The following EIF4ENIF1 variants were observed in gnomAD, a reference collection of about 807,000 sequenced individuals.
EIF4ENIF1 encodes the protein eukaryotic translation initiation factor 4E transporter.
Under a neutral mutation model 110.5 loss-of-function variants are expected in EIF4ENIF1, and 23 were observed. The observed-to-expected ratio is 0.21, with a 90% CI of 0.15 to 0.29. The LOEUF (loss-of-function observed/expected upper bound fraction) is 0.29, where lower values mean the gene tolerates loss of function less well. Ranked by LOEUF, EIF4ENIF1 falls within the 10% of genes least tolerant of loss-of-function variation. The probability of loss-of-function intolerance (pLI) is 1.00; values close to 1 mark genes in which losing one functional copy is unlikely to be tolerated. For missense variants in EIF4ENIF1, 1,031 were observed against 1,221.1 expected (o/e 0.84, Z 2.32); for synonymous variants, 440 against 437.0 (o/e 1.01, Z -0.09).
At chr22:31,466,114 A>G (rs191939647) in intron 4 of EIF4ENIF1, among the ~76,000 whole-genome samples, 1 of 152,232 alleles carries the variant, frequency 6.6e-6, no homozygotes, top group Non-Finnish European at 1.5e-5. Flanking sequence ...TGTCTCTACT[A>G]AAAATACAAA....
At chr22:31,446,377 TGA>T (rs1398340627) in intron 14 of EIF4ENIF1, among the ~76,000 whole-genome samples, 1 of 150,948 alleles carries the variant, frequency 6.6e-6, no homozygotes, top group Non-Finnish European at 1.5e-5. Flanking sequence ...AGAAAGCACG[TGA>T]GAGGGGTTCA....
intron 2 of EIF4ENIF1, among the ~76,000 whole-genome samples, chr22:31,477,357 CA>C (rs749894840): frequency 0.16 from 7,345 of 46,990 alleles, 304 homozygotes; most frequent in African/African-American, 0.28. Context: ...CCTCTGTCTC[CA>C]AAAAAAAAAA....
At chr22:31,475,644 T>C (rs1390222200) in intron 2 of EIF4ENIF1, among the ~76,000 whole-genome samples, 1 of 150,364 alleles carries the variant, frequency 6.7e-6, no homozygotes, top group Non-Finnish European at 1.5e-5. Flanking sequence ...CCCAGCTACC[T>C]GTAGGGAGGC....
At chr22:31,439,293 C>A (rs143881898), downstream of EIF4ENIF1, 728 of 153,100 alleles carry the variant, frequency 4.8e-3, 5 homozygotes, top group Non-Finnish European at 6.7e-3. Flanking sequence ...CTGGGTGACA[C>A]AGAGTGAGAC....
intron 2 of EIF4ENIF1, among the ~76,000 whole-genome samples, chr22:31,474,468 G>A (rs1477567443): frequency 6.7e-6 from 1 of 149,658 alleles, no homozygotes; most frequent in East Asian, 2.0e-4. Flanking sequence ...TGGCCCATGT[G>A]TCTTTTTCAA....
intron 4 of EIF4ENIF1, among the ~76,000 whole-genome samples, chr22:31,464,440 G>A (rs1387743899): frequency 6.6e-6 from 1 of 151,672 alleles, no homozygotes; most frequent in Non-Finnish European, 1.5e-5. Flanking sequence ...AGTACTTTGG[G>A]ACGTCAAGGC....
intron 7 of EIF4ENIF1, among the ~76,000 whole-genome samples, chr22:31,458,104 T>G (rs2050883278): frequency 6.6e-6 from 1 of 151,980 alleles, no homozygotes; most frequent in African/African-American, 2.4e-5. Context: ...GGCACACACC[T>G]GTGATCCCAA....
At chr22:31,450,899 GAGAC>G (rs2050652876) in intron 10 of EIF4ENIF1, 1 of 124,900 alleles carries the variant, frequency 8.0e-6, no homozygotes, top group Admixed American at 8.8e-5. Flanking sequence ...ACACACAAAA[GAGAC>G]AGGGTCTTGT....
intron 2 of EIF4ENIF1, among the ~76,000 whole-genome samples, chr22:31,480,403 G>A (rs560001847): frequency 2.0e-5 from 3 of 152,194 alleles, no homozygotes; most frequent in Non-Finnish European, 4.4e-5. Flanking sequence ...GCATTCTGAT[G>A]GACCTTCTGA....
intron 7 of EIF4ENIF1, among the ~76,000 whole-genome samples, chr22:31,457,497 C>A (rs1383909290): frequency 6.6e-6 from 1 of 152,188 alleles, no homozygotes; most frequent in Non-Finnish European, 1.5e-5. Flanking sequence ...TATACTTTCA[C>A]GTCAATCCCA....
chr22:31,456,330 T>A (rs1382270313), intron 7 of EIF4ENIF1, among the ~76,000 whole-genome samples: 2 of 151,512 alleles, frequency 1.3e-5, no homozygotes. Flanking sequence ...TTCACACCAT[T>A]CTCCTGCCTC....
chr22:31,458,734 T>C, intron 6 of EIF4ENIF1, 84 bp from the exon 7 acceptor site: 2 of 1,275,440 alleles, frequency 1.6e-6, no homozygotes, highest in Non-Finnish European at 2.1e-6. Context: ...AGTATACATG[T>C]AGAAGAGCCA....
At chr22:31,465,055 G>A (rs538428807) in intron 4 of EIF4ENIF1, among the ~76,000 whole-genome samples, 4 of 152,138 alleles carry the variant, frequency 2.6e-5, no homozygotes, top group Admixed American at 2.6e-4. Flanking sequence ...CCAACCCAGT[G>A]GCTCACGCCT....
chr22:31,453,157 T>C (rs867451756), intron 10 of EIF4ENIF1, among the ~76,000 whole-genome samples: 3 of 152,162 alleles, frequency 2.0e-5, no homozygotes, highest in Admixed American at 6.6e-5. Flanking sequence ...TATCAAGAGA[T>C]AGTGATATTA....
chr22:31,446,889 A>G, intron 14 of EIF4ENIF1: 2 of 344,150 alleles, frequency 5.8e-6, no homozygotes, highest in Non-Finnish European at 1.2e-5. Flanking sequence ...ATCGAAAAAG[A>G]GAAGAGTGAA....
intron 3 of EIF4ENIF1, among the ~76,000 whole-genome samples, 193 bp from the exon 4 acceptor site, chr22:31,468,495 A>T (rs2051264769): frequency 6.6e-6 from 1 of 152,172 alleles, no homozygotes; most frequent in Non-Finnish European, 1.5e-5. Context: ...CCCAGGTTCA[A>T]GTGATTCTTC....
At chr22:31,440,574 A>C in intron 18 of EIF4ENIF1, 130 bp downstream of exon 18, 1 of 1,159,044 alleles carries the variant, frequency 8.6e-7, no homozygotes, top group Non-Finnish European at 1.2e-6. Flanking sequence ...TTATCTGGTT[A>C]CACTTTGTCC....
rs114092696 is a variant in EIF4ENIF1 at position 31,488,999 on chromosome 22, C to G, written c.-27-254G>C. 2.0e-3 allele frequency: 762 copies of G among 379,032 alleles called. 3 individuals are homozygous for G. The highest frequency in any genetic ancestry group is 0.014 in the African/African-American group (652 of 47,134). The allele number at this position is 379,032 out of a possible 1,614,324, so 23.5% of individuals were successfully genotyped here. ...CAATTCAAGGTATATAACCTTTAAG[C>G]AGCTTTAACACAAGAGAAACCAAGA... On this transcript the variant is annotated intron_variant, in intron 1 of 18. Coordinates refer to ENST00000330125, the MANE Select transcript of EIF4ENIF1 (RefSeq NM_019843.4).
chr22:31,490,755 C>T (rs1331794684), upstream of EIF4ENIF1, among the ~76,000 whole-genome samples: 1 of 152,138 alleles, frequency 6.6e-6, no homozygotes, highest in Non-Finnish European at 1.5e-5. Context: ...TGCTGGAATA[C>T]CACAAGCACC....
Sources: gnomAD v4.1 joint callset for allele counts (sites outside exome capture counted in the v4.1 genomes callset) on GRCh38, gnomAD v4.1.1 for gene constraint, MANE v1.5 for transcripts, NCBI Gene and HGNC (gene_info 2026-07-23, HGNC 2026-07-21) for gene names.